STX8: variants seen among roughly 807,000 people sequenced by gnomAD.
STX8 encodes syntaxin 8.
STX8 carries 23 observed loss-of-function variants against 37.5 expected under a neutral mutation model. The ratio of observed to expected loss-of-function variants is 0.61; its 90% CI spans 0.44 to 0.87. The LOEUF is 0.87. Among genes scored for constraint, STX8 ranks in the 40% least tolerant of loss-of-function variants. The pLI is 0.00. For synonymous variants in STX8, 115 were observed against 99.1 expected, an observed-to-expected ratio of 1.16 and a Z score of -0.95; for missense variants, 313 against 284.7, an observed-to-expected ratio of 1.10 and a Z score of -0.71.
intron 6 of STX8, among the ~76,000 whole-genome samples, chr17:9,392,423 C>T (rs116451036): frequency 0.025 from 3,848 of 152,146 alleles, 172 homozygotes; most frequent in African/African-American, 0.088. Flanking sequence ...GTCTGGACAA[C>T]ATAGTGAGAA....
chr17:9,488,326 T>TAAAAA (rs370708789), intron 6 of STX8, among the ~76,000 whole-genome samples: 5 of 149,144 alleles, frequency 3.4e-5, no homozygotes, highest in African/African-American at 1.2e-4. Context: ...AACTCTGTCT[T>TAAAAA]AAAAAAAAAA....
chr17:9,258,182 ATGTAT>A (rs1279321810), intron 7 of STX8, among the ~76,000 whole-genome samples: 1 of 152,184 alleles, frequency 6.6e-6, no homozygotes, highest in Non-Finnish European at 1.5e-5. Context: ...ACATTTGCTT[ATGTAT>A]TAACCAGTGA....
At chr17:9,292,145 C>T (rs994568933) in intron 7 of STX8, among the ~76,000 whole-genome samples, 1 of 152,242 alleles carries the variant, frequency 6.6e-6, no homozygotes, top group Non-Finnish European at 1.5e-5. Context: ...ACAGGACTGG[C>T]CCAGAGGTGG....
chr17:9,405,478 C>G (rs1271684932), intron 6 of STX8, among the ~76,000 whole-genome samples: 3 of 152,174 alleles, frequency 2.0e-5, no homozygotes, highest in African/African-American at 7.2e-5. Flanking sequence ...CTCTTGTTTT[C>G]TAGGCCTTCT....
At position 9,359,048 on chromosome 17, in the gene STX8, CT is replaced by C. The variant is rs575675355; in HGVS notation, c.643+19503del. ...CAGTGGAACTAAGGCTTTTTTTTTT[CT>C]TTTTTTTTTTGAGATGGAGTTTTGC... On this transcript the variant is annotated intron_variant, in intron 7 of 7. Coordinates refer to ENST00000306357, the MANE Select transcript of STX8 (RefSeq NM_004853.3). 9.3e-3 allele frequency among the ~76,000 whole-genome samples: 1,332 copies of C among 142,872 alleles called. 23 individuals are homozygous for C. Among genetic ancestry groups the C allele is most frequent in the African/African-American group, 0.031 (1,220 of 39,224 alleles). The allele number at this position is 142,872 out of a possible 152,430, so 93.7% of individuals were successfully genotyped here. A position where few individuals can be genotyped will look rare whatever the true frequency, so the allele number is the denominator to read the frequency against.
chr17:9,446,957 T>A (rs538791574), intron 6 of STX8, among the ~76,000 whole-genome samples: 58 of 152,316 alleles, frequency 3.8e-4, no homozygotes, highest in African/African-American at 1.3e-3. Flanking sequence ...AAGATTTCTA[T>A]TTTTTGGCAC....
intron 7 of STX8, among the ~76,000 whole-genome samples, chr17:9,359,746 G>T (rs926622216): frequency 3.9e-5 from 6 of 152,094 alleles, no homozygotes; most frequent in African/African-American, 1.4e-4. Flanking sequence ...CTGAGCTCGT[G>T]ATCCGCCCGC....
At chr17:9,332,432 A>G (rs1333531249) in intron 7 of STX8, among the ~76,000 whole-genome samples, 1 of 152,232 alleles carries the variant, frequency 6.6e-6, no homozygotes, top group Non-Finnish European at 1.5e-5. Context: ...AAGGAAGACA[A>G]GATTCACAAA....
intron 6 of STX8, among the ~76,000 whole-genome samples, chr17:9,417,085 C>G (rs1019375938): frequency 6.6e-6 from 1 of 152,172 alleles, no homozygotes; most frequent in African/African-American, 2.4e-5. Flanking sequence ...ATCAGCAGCA[C>G]CCATTACTTA....
At chr17:9,301,908 T>C (rs1328028609) in intron 7 of STX8, among the ~76,000 whole-genome samples, 1 of 152,232 alleles carries the variant, frequency 6.6e-6, no homozygotes, top group Non-Finnish European at 1.5e-5. Flanking sequence ...AAATGTTATC[T>C]TTGTTGGGTA....
Position 9,335,426 on chromosome 17 carries a change from G to A in STX8, c.643+43126C>T, listed in dbSNP as rs189168871. 5.9e-5 allele frequency among the ~76,000 whole-genome samples: 9 copies of A among 152,202 alleles called. No individual in the cohort carries two copies. The East Asian group carries it at 9.7e-4, about 16-fold the overall frequency. On this transcript the variant is annotated intron_variant, in intron 7 of 7. Coordinates refer to ENST00000306357, the MANE Select transcript of STX8 (RefSeq NM_004853.3). Reference sequence around the variant, plus strand: ...AGCACTAATCCACTGATGAGGGCACGGCCCTCATGATCTAATCACCTCTTA... The same window carrying A: ...AGCACTAATCCACTGATGAGGGCACAGCCCTCATGATCTAATCACCTCTTA...
intron 7 of STX8, among the ~76,000 whole-genome samples, chr17:9,253,618 G>C (rs886815616): frequency 6.6e-6 from 1 of 152,090 alleles, no homozygotes; most frequent in Non-Finnish European, 1.5e-5. Flanking sequence ...TGACAGGGAG[G>C]GGCTGGCAGC....
intron 4 of STX8, among the ~76,000 whole-genome samples, chr17:9,509,930 T>C (rs1008537317): frequency 6.7e-6 from 1 of 149,382 alleles, no homozygotes; most frequent in East Asian, 2.0e-4. Flanking sequence ...AGCAAAGGTA[T>C]GGAAAAAGAT....
At chr17:9,399,694 C>T (rs2161870) in intron 6 of STX8, among the ~76,000 whole-genome samples, 32,193 of 151,506 alleles carry the variant, frequency 0.21, 4,033 homozygotes, top group South Asian at 0.39. Context: ...GGCAAAACCC[C>T]ATCTCTACTA....
intron 6 of STX8, among the ~76,000 whole-genome samples, chr17:9,454,217 AC>A (rs1905122536): frequency 6.6e-6 from 1 of 152,056 alleles, no homozygotes; most frequent in Non-Finnish European, 1.5e-5. Context: ...ATAGTACCAA[AC>A]CCTTTCTCAA....
intron 7 of STX8, among the ~76,000 whole-genome samples, chr17:9,325,415 C>T (rs374434009): frequency 6.6e-6 from 1 of 152,088 alleles, no homozygotes; most frequent in East Asian, 1.9e-4. Flanking sequence ...ATCCCCAAGA[C>T]CCATCTATGG....
At chr17:9,400,474 G>C (rs948015220) in intron 6 of STX8, among the ~76,000 whole-genome samples, 1 of 150,862 alleles carries the variant, frequency 6.6e-6, no homozygotes, top group African/African-American at 2.4e-5. Flanking sequence ...GTGCAATCTC[G>C]GCTCACTGCA....
At chr17:9,503,622 T>C (rs1160485984) in intron 5 of STX8, among the ~76,000 whole-genome samples, 1 of 152,238 alleles carries the variant, frequency 6.6e-6, no homozygotes, top group Non-Finnish European at 1.5e-5. Context: ...TCCTGCTGCC[T>C]TGGCCTCCCA....
intron 6 of STX8, among the ~76,000 whole-genome samples, chr17:9,418,916 T>C (rs1913316522): frequency 6.9e-6 from 1 of 144,162 alleles, no homozygotes; most frequent in African/African-American, 2.5e-5. Context: ...CCCCCTCTTT[T>C]TTTTTCTTTT....
Sources: gnomAD v4.1 joint callset for allele counts (sites outside exome capture counted in the v4.1 genomes callset) on GRCh38, gnomAD v4.1.1 for gene constraint, MANE v1.5 for transcripts, NCBI Gene and HGNC (gene_info 2026-07-23, HGNC 2026-07-21) for gene names.